Variants in FAIM2 observed in about 807,000 individuals in gnomAD.
FAIM2 encodes protein lifeguard 2.
In FAIM2, 27 loss-of-function variants were observed where a neutral mutation model predicts 47.4. The ratio of observed to expected loss-of-function variants is 0.57; its 90% CI spans 0.42 to 0.78. The LOEUF (loss-of-function observed/expected upper bound fraction) is 0.78, where lower values mean the gene tolerates loss of function less well. Among genes scored for constraint, FAIM2 ranks in the 30% least tolerant of loss-of-function variants. FAIM2 has a pLI of 0.00. For synonymous variants in FAIM2, 156 were observed against 159.3 expected (o/e 0.98, Z 0.16); for missense variants, 311 against 389.4 (o/e 0.80, Z 1.69).
intron 7 of FAIM2, among the ~76,000 whole-genome samples, chr12:49,890,420 A>G (rs1019539140): frequency 6.6e-6 from 1 of 152,176 alleles, no homozygotes; most frequent in Non-Finnish European, 1.5e-5. Flanking sequence ...TCATTACCAT[A>G]GCTCTAGGAT....
chr12:49,884,677 A>T (rs1477733203), intron 11 of FAIM2, among the ~76,000 whole-genome samples: 2 of 152,204 alleles, frequency 1.3e-5, no homozygotes, highest in East Asian at 1.9e-4. Context: ...GTTACTGGCC[A>T]TAAGAATCTG....
At chr12:49,879,466 G>A (rs1946783963) in intron 11 of FAIM2, among the ~76,000 whole-genome samples, 1 of 63,506 alleles carries the variant, frequency 1.6e-5, no homozygotes, top group East Asian at 4.8e-4. Flanking sequence ...ACGTGTATAT[G>A]TGCATGTGTA....
intron 2 of FAIM2, among the ~76,000 whole-genome samples, chr12:49,900,838 C>T (rs1946976697): frequency 6.6e-6 from 1 of 152,146 alleles, no homozygotes; most frequent in Non-Finnish European, 1.5e-5. Context: ...TAGCCCTTAG[C>T]TTTTCTCCCT....
intron 5 of FAIM2, 66 bp downstream of exon 5, chr12:49,896,965 C>A (rs1172373291): frequency 7.6e-7 from 1 of 1,318,264 alleles, no homozygotes; most frequent in Non-Finnish European, 1.1e-6. Context: ...AAGAAAGACA[C>A]AGAGATTCCC....
chr12:49,883,179 T>G (rs903780360), intron 11 of FAIM2, among the ~76,000 whole-genome samples: 1 of 151,956 alleles, frequency 6.6e-6, no homozygotes, highest in African/African-American at 2.4e-5. Flanking sequence ...GGGAAGCGAT[T>G]GCGGGATGCT....
At chr12:49,898,478 C>T (rs569950368) in intron 2 of FAIM2, among the ~76,000 whole-genome samples, 2 of 152,294 alleles carry the variant, frequency 1.3e-5, no homozygotes, top group East Asian at 3.9e-4. Context: ...TCTCTCTGGG[C>T]CACCCAGCAG....
At chr12:49,890,969 G>T in intron 6 of FAIM2, 95 bp downstream of exon 6, 1 of 1,266,714 alleles carries the variant, frequency 7.9e-7, no homozygotes, top group Middle Eastern at 1.9e-4. Flanking sequence ...CCCTCTCAGG[G>T]CTGCACAGCT....
At chr12:49,891,402 T>C (rs1209345143) in intron 5 of FAIM2, among the ~76,000 whole-genome samples, 2 of 152,202 alleles carry the variant, frequency 1.3e-5, no homozygotes, top group Non-Finnish European at 2.9e-5. Context: ...AGACACTATC[T>C]TGCTATTTTA....
intron 11 of FAIM2, among the ~76,000 whole-genome samples, chr12:49,880,900 G>GTGTGTGTGTC (rs540378741): frequency 7.2e-5 from 11 of 151,930 alleles, no homozygotes; most frequent in Admixed American, 2.6e-4. Context: ...GTGTGTGTGT[G>GTGTGTGTGTC]TCTCTCTGGA....
intron 11 of FAIM2, among the ~76,000 whole-genome samples, chr12:49,880,584 ATATGTGCATGTGTATG>A (rs1946813169): frequency 4.2e-5 from 6 of 141,872 alleles, no homozygotes; most frequent in Non-Finnish European, 9.2e-5. Context: ...GTGCATGTGT[ATATGTGCATGTGTATG>A]TGTGTGCATG....
chr12:49,891,012 T>G, intron 6 of FAIM2, 52 bp downstream of exon 6: 2 of 1,586,706 alleles, frequency 1.3e-6, no homozygotes, highest in Non-Finnish European at 1.7e-6. Context: ...GGCCAGAATT[T>G]TCATGATCCT....
At chr12:49,885,613 G>A (rs1293899900) in intron 11 of FAIM2, among the ~76,000 whole-genome samples, 2 of 152,170 alleles carry the variant, frequency 1.3e-5, no homozygotes, top group African/African-American at 4.8e-5. Flanking sequence ...GGCTTTCAGT[G>A]CTGAAACTGG....
intron 11 of FAIM2, among the ~76,000 whole-genome samples, chr12:49,875,787 C>T (rs941470026): frequency 4.6e-5 from 7 of 152,062 alleles, no homozygotes; most frequent in Admixed American, 1.3e-4. Context: ...CCAGCCTGGC[C>T]AACACGATGA....
At chr12:49,872,444 C>G (rs184726919) in intron 11 of FAIM2, among the ~76,000 whole-genome samples, 5 of 152,320 alleles carry the variant, frequency 3.3e-5, no homozygotes, top group Admixed American at 6.5e-5. Flanking sequence ...GCCCTTGCAG[C>G]TTGCACTCTG....
chr12:49,885,130 G>C (rs951051883), intron 11 of FAIM2, among the ~76,000 whole-genome samples: 2 of 152,344 alleles, frequency 1.3e-5, no homozygotes, highest in African/African-American at 2.4e-5. Flanking sequence ...AAAACATAAA[G>C]GGTGGAACAG....
chr12:49,896,654 G>T (rs184583499), intron 5 of FAIM2, among the ~76,000 whole-genome samples: 2 of 152,212 alleles, frequency 1.3e-5, no homozygotes, highest in East Asian at 3.8e-4. Context: ...TATTTCATAA[G>T]CATTACTAAC....
chr12:49,890,861 A>G (rs554501350), intron 6 of FAIM2, 139 bp from the exon 7 acceptor site: 16 of 882,318 alleles, frequency 1.8e-5, no homozygotes, highest in East Asian at 1.7e-4. Flanking sequence ...CCACATCCCC[A>G]TTTGCTCCCT....
rs925834740 is a variant in FAIM2, at chr12:49,890,805, G to T, written c.486-83C>A. On this transcript the variant is annotated intron_variant, in intron 6 of 11. Transcript: ENST00000320634. ...GCTGTGACACTGTTGCAGGGAGGGG[G>T]TCTCTGACCAACCCCCTCCACACTC... 5.0e-6 allele frequency: 6 copies of T among 1,190,232 alleles called. No homozygotes were observed. The Admixed American group carries it at 8.4e-5, about 17-fold the overall frequency. The allele number at this position is 1,190,232 out of a possible 1,614,324, so 73.7% of individuals were successfully genotyped here. A position where few individuals can be genotyped will look rare whatever the true frequency, so the allele number is the denominator to read the frequency against.
intron 7 of FAIM2, 120 bp downstream of exon 7, chr12:49,890,563 C>T (rs948588367): frequency 1.4e-5 from 13 of 920,484 alleles, no homozygotes; most frequent in East Asian, 1.2e-4. Flanking sequence ...ACCCCTGCCC[C>T]GCCAGGGACC....
Sources: gnomAD v4.1 joint callset for allele counts (sites outside exome capture counted in the v4.1 genomes callset) on GRCh38, gnomAD v4.1.1 for gene constraint, MANE v1.5 for transcripts, NCBI Gene and HGNC (gene_info 2026-07-23, HGNC 2026-07-21) for gene names.